Variants in IQGAP2 observed in about 807,000 individuals in gnomAD.
The protein encoded by IQGAP2 is IQ motif containing GTPase activating protein 2, also known as ras GTPase-activating-like protein IQGAP2.
IQGAP2 carries 173 observed loss-of-function variants against 201.3 expected under a neutral mutation model. The ratio of observed to expected loss-of-function variants is 0.86; its 90% CI spans 0.76 to 0.98. The LOEUF is 0.98. Ranked by LOEUF, IQGAP2 falls within the 50% of genes least tolerant of loss-of-function variation. The pLI, the probability that IQGAP2 is intolerant of heterozygous loss-of-function variation, is 0.00. For missense variants in IQGAP2, 1,687 were observed against 1,864.8 expected, an observed-to-expected ratio of 0.90 and a Z score of 1.76; for synonymous variants, 675 against 673.9, an observed-to-expected ratio of 1.00 and a Z score of -0.03.
intron 1 of IQGAP2, among the ~76,000 whole-genome samples, chr5:76,416,537 T>C (rs1751413781): frequency 6.6e-6 from 1 of 152,028 alleles, no homozygotes; most frequent in African/African-American, 2.4e-5. Flanking sequence ...TGAGCTTTTT[T>C]TTTTTTGAGA....
intron 22 of IQGAP2, among the ~76,000 whole-genome samples, chr5:76,666,948 G>A (rs1308417722): frequency 1.3e-5 from 2 of 152,058 alleles, no homozygotes; most frequent in Non-Finnish European, 2.9e-5. Flanking sequence ...GTTTTTCCAT[G>A]TTGCCCAGGC....
At chr5:76,418,051 A>G (rs1053177986) in intron 1 of IQGAP2, among the ~76,000 whole-genome samples, 10 of 151,364 alleles carry the variant, frequency 6.6e-5, no homozygotes, top group African/African-American at 1.7e-4. Context: ...TACTAAAAAT[A>G]AAAAAATTAG....
At chr5:76,581,264 C>G (rs541958035) in intron 5 of IQGAP2, among the ~76,000 whole-genome samples, 1 of 152,218 alleles carries the variant, frequency 6.6e-6, no homozygotes, top group African/African-American at 2.4e-5. Context: ...TCCCTTAGAA[C>G]CTTTTCCTTC....
intron 12 of IQGAP2, chr5:76,609,282 T>G (rs1173683912): frequency 6.7e-7 from 1 of 1,503,648 alleles, no homozygotes; most frequent in East Asian, 2.5e-5. Context: ...GCACTAAATA[T>G]TCCATGCACT....
At chr5:76,512,123 CTG>C (rs1178762817) in intron 2 of IQGAP2, among the ~76,000 whole-genome samples, 1 of 152,090 alleles carries the variant, frequency 6.6e-6, no homozygotes, top group Non-Finnish European at 1.5e-5. Context: ...AACAGGGAAA[CTG>C]AGAGATAGGG....
chr5:76,576,303 A>C (rs1367995098), intron 5 of IQGAP2, among the ~76,000 whole-genome samples: 2 of 152,232 alleles, frequency 1.3e-5, no homozygotes, highest in Non-Finnish European at 2.9e-5. Context: ...AAATTAGTCA[A>C]ATCAAGACAC....
intron 5 of IQGAP2, 138 bp downstream of exon 5, chr5:76,575,907 G>A: frequency 2.2e-6 from 1 of 456,238 alleles, no homozygotes; most frequent in Non-Finnish European, 3.9e-6. Context: ...TGGATTTGCT[G>A]GTACAAAATT....
intron 1 of IQGAP2, among the ~76,000 whole-genome samples, chr5:76,444,697 A>G (rs1753267408): frequency 6.6e-6 from 1 of 152,188 alleles, no homozygotes; most frequent in Non-Finnish European, 1.5e-5. Flanking sequence ...CCTAATCTTA[A>G]GCCACTAATA....
At chr5:76,420,133 C>T (rs1198187589) in intron 1 of IQGAP2, among the ~76,000 whole-genome samples, 4 of 152,150 alleles carry the variant, frequency 2.6e-5, no homozygotes, top group African/African-American at 9.7e-5. Context: ...GCTACAGTGT[C>T]CACCCTCCCA....
chr5:76,451,841 C>T (rs1351884488), intron 1 of IQGAP2, among the ~76,000 whole-genome samples: 1 of 152,178 alleles, frequency 6.6e-6, no homozygotes, highest in Admixed American at 6.5e-5. Flanking sequence ...TCAAAACCAG[C>T]CTGGCCAACA....
At chr5:76,665,831 A>C (rs1474203992) in intron 22 of IQGAP2, among the ~76,000 whole-genome samples, 1 of 152,250 alleles carries the variant, frequency 6.6e-6, no homozygotes, top group Non-Finnish European at 1.5e-5. Flanking sequence ...TCAGCCCGTC[A>C]GCCCTACTAG....
intron 2 of IQGAP2, among the ~76,000 whole-genome samples, chr5:76,462,577 G>A (rs548019593): frequency 6.6e-6 from 1 of 152,238 alleles, no homozygotes; most frequent in African/African-American, 2.4e-5. Context: ...TTATGCCAGG[G>A]TGGAGCGACA....
intron 1 of IQGAP2, among the ~76,000 whole-genome samples, chr5:76,438,035 G>GTTTTTTTTTTTTTT (rs71604291): frequency 2.9e-5 from 2 of 68,600 alleles, no homozygotes; most frequent in African/African-American, 8.1e-5. Flanking sequence ...TTTTTTGTTT[G>GTTTTTTTTTTTTTT]TTTTTTTTTT....
intron 3 of IQGAP2, among the ~76,000 whole-genome samples, chr5:76,564,371 G>A (rs953065998): frequency 1.3e-5 from 2 of 152,216 alleles, no homozygotes; most frequent in African/African-American, 2.4e-5. Context: ...TAGAGTTAAA[G>A]CGTAGTTGGG....
chr5:76,442,734 C>A (rs955734211), intron 1 of IQGAP2, among the ~76,000 whole-genome samples: 2 of 152,198 alleles, frequency 1.3e-5, no homozygotes, highest in Non-Finnish European at 2.9e-5. Flanking sequence ...CACCTGTAAT[C>A]CCAGCACTTT....
chr5:76,481,308 TG>T, intron 2 of IQGAP2, among the ~76,000 whole-genome samples: 1 of 152,250 alleles, frequency 6.6e-6, no homozygotes, highest in East Asian at 1.9e-4. Context: ...GAAAAACAGG[TG>T]AAATAATTTT....
In IQGAP2 at chr5:76,521,003, G is replaced by A. The variant is rs965935547; in HGVS notation, c.147-41393G>A. On this transcript the variant is annotated intron_variant, in intron 2 of 35. Coordinates refer to ENST00000274364, the MANE Select transcript of IQGAP2 (RefSeq NM_006633.5). ...ATTACAGGCATGTGCCACCACGCCCGGCCTAGGTCTCTCCTTTTATCTAGA... is the reference window on the plus strand; with the variant it reads ...ATTACAGGCATGTGCCACCACGCCCAGCCTAGGTCTCTCCTTTTATCTAGA... 3.9e-5 allele frequency among the ~76,000 whole-genome samples: 6 copies of A among 152,038 alleles called. No individual in the cohort carries two copies. The South Asian group carries it at 6.2e-4, about 16-fold the overall frequency.
chr5:76,580,169 G>A (rs73121895), intron 5 of IQGAP2, among the ~76,000 whole-genome samples: 45,556 of 151,864 alleles, frequency 0.3, 7,046 homozygotes, highest in South Asian at 0.51. Flanking sequence ...ACAGCTACTC[G>A]GGAGGCTGAG....
At chr5:76,570,411 C>G (rs1745028206) in intron 3 of IQGAP2, among the ~76,000 whole-genome samples, 169 bp from the exon 4 acceptor site, 1 of 152,176 alleles carries the variant, frequency 6.6e-6, no homozygotes, top group African/African-American at 2.4e-5. Context: ...TGGGATGTTG[C>G]CAAGATACAT....
Sources: allele counts gnomAD v4.1 joint callset (sites outside exome capture counted in the v4.1 genomes callset), GRCh38; gene constraint gnomAD v4.1.1; transcripts MANE v1.5; gene names NCBI Gene and HGNC (gene_info 2026-07-23, HGNC 2026-07-21).